The following SYNPO variants were observed in gnomAD, a reference collection of about 807,000 sequenced individuals.
SYNPO encodes the protein synaptopodin.
In SYNPO, 19 loss-of-function variants were observed where a neutral mutation model predicts 49.5. The ratio of observed to expected loss-of-function variants is 0.38; its 90% confidence interval spans 0.27 to 0.56. The LOEUF (loss-of-function observed/expected upper bound fraction) is 0.56. Among genes scored for constraint, SYNPO ranks in the 20% least tolerant of loss-of-function variants. SYNPO has a pLI of 0.68. For synonymous variants in SYNPO, 536 were observed against 548.0 expected (o/e 0.98, Z 0.31); for missense variants, 1,131 against 1,248.3 (o/e 0.91, Z 1.42).
rs140639891 is a variant in SYNPO, at chr5:150,655,605, C to G, written c.2029-799C>G. ...TGTGTGCCCTGTTCCTGTTCTCACC[C>G]CATTTCCTAACAGGTGACCATTTTG... On this transcript the variant is annotated intron_variant, in intron 2 of 2. Transcript: ENST00000307662. Among the ~76,000 whole-genome samples, 945 of 152,336 alleles carry G rather than the reference C, an allele frequency of 6.2e-3. 11 individuals are homozygous for G. Among genetic ancestry groups the G allele is most frequent in the African/African-American group, 0.022 (900 of 41,570 alleles).
At chr5:150,615,047 G>A (rs1267867071) in intron 1 of SYNPO, 1 of 152,256 alleles carries the variant, frequency 6.6e-6, no homozygotes, top group Non-Finnish European at 1.5e-5. Context: ...GTAAAGGGCT[G>A]GGTTCAGCAC....
chr5:150,635,969 T>G (rs1757702353), upstream of SYNPO, among the ~76,000 whole-genome samples: 1 of 152,248 alleles, frequency 6.6e-6, no homozygotes, highest in Non-Finnish European at 1.5e-5. Flanking sequence ...TTATCATATC[T>G]ACCTTTGCAA....
At chr5:150,597,320 GTTGTT>G (rs570975954), upstream of SYNPO, among the ~76,000 whole-genome samples, 24 of 152,234 alleles carry the variant, frequency 1.6e-4, no homozygotes, top group East Asian at 5.8e-4. Flanking sequence ...ATTTGGTTTT[GTTGTT>G]TTGTTTTGTT....
intron 1 of SYNPO, among the ~76,000 whole-genome samples, chr5:150,609,806 C>A: frequency 6.9e-6 from 1 of 143,994 alleles, no homozygotes; most frequent in African/African-American, 2.5e-5. Context: ...CAGTGTGGAG[C>A]AGTCTCAGAG....
chr5:150,644,260 G>A (rs1461560174), intron 1 of SYNPO, among the ~76,000 whole-genome samples: 1 of 152,136 alleles, frequency 6.6e-6, no homozygotes, highest in Non-Finnish European at 1.5e-5. Flanking sequence ...ACCTCCCGGG[G>A]GAGTGAGCTC....
intron 1 of SYNPO, among the ~76,000 whole-genome samples, chr5:150,643,679 C>T (rs1205130023): frequency 3.3e-5 from 5 of 152,120 alleles, no homozygotes; most frequent in Admixed American, 2.0e-4. Flanking sequence ...GGATTACAGG[C>T]GCCCGCCACC....
At chr5:150,620,899 C>CTCTTTCTTCCTT (rs1757135123) in intron 2 of SYNPO, among the ~76,000 whole-genome samples, 1 of 108,866 alleles carries the variant, frequency 9.2e-6, no homozygotes, top group South Asian at 3.7e-4. Context: ...TTCTTTTTTT[C>CTCTTTCTTCCTT]TCTTTCTTTC....
At chr5:150,646,175 CA>C (rs34260941) in intron 1 of SYNPO, among the ~76,000 whole-genome samples, 71,430 of 131,526 alleles carry the variant, frequency 0.54, 19,888 homozygotes, top group African/African-American at 0.8. Flanking sequence ...ACAAAAAATA[CA>C]AAAAAAAAAA....
In SYNPO at chr5:150,656,964, C is replaced by T. The variant is rs1158752692; in HGVS notation, c.2589C>T (p.Asp863=). The change falls in exon 3 of 3, where the codon GAC becomes GAT. Residue 863 remains aspartate, a synonymous_variant. Coordinates refer to ENST00000307662, the MANE Select transcript of SYNPO (RefSeq NM_007286.6). ...CCACGGACTCCGACGTGTCCCTCGACTCCGAGGACTCCGGGGCTAAGTCTC... is the reference window on the plus strand; with the variant it reads ...CCACGGACTCCGACGTGTCCCTCGATTCCGAGGACTCCGGGGCTAAGTCTC... ...RSPTDSDVSL[D]SEDSGAKSPG... The T allele has an allele frequency of 1.3e-6, 2 of 1,590,140 alleles. No individual in the cohort carries two copies. The highest frequency in any genetic ancestry group is 2.3e-5 in the East Asian group (1 of 43,616).
intron 2 of SYNPO, among the ~76,000 whole-genome samples, chr5:150,627,105 T>C (rs1484662735): frequency 6.6e-6 from 1 of 152,110 alleles, no homozygotes; most frequent in African/African-American, 2.4e-5. Flanking sequence ...GGGAGGCACC[T>C]TTTCCTTCAA....
chr5:150,625,562 G>T (rs1347658678), intron 2 of SYNPO, among the ~76,000 whole-genome samples: 1 of 152,204 alleles, frequency 6.6e-6, no homozygotes, highest in African/African-American at 2.4e-5. Flanking sequence ...ACTGTCCTGC[G>T]CTGCCCGCCT....
chr5:150,598,438 C>T (rs901196659), upstream of SYNPO, among the ~76,000 whole-genome samples: 31 of 152,172 alleles, frequency 2.0e-4, no homozygotes, highest in African/African-American at 6.8e-4. Context: ...CGCACTGCCA[C>T]GGACAGGCTG....
chr5:150,640,414 C>T (rs543210837), upstream of SYNPO, among the ~76,000 whole-genome samples: 108 of 152,280 alleles, frequency 7.1e-4, no homozygotes, highest in Admixed American at 1.1e-3. Context: ...TTGCTGAGGG[C>T]ACAGAGAGAA....
exon 2 of SYNPO, chr5:150,618,373 G>C: frequency 1.9e-6 from 3 of 1,549,284 alleles, no homozygotes; most frequent in Non-Finnish European, 2.6e-6. Context: ...GCACCATGCT[G>C]GGTCCTCACC....
chr5:150,594,012 G>A, the SYNPO span, among the ~76,000 whole-genome samples: 17 of 152,310 alleles, frequency 1.1e-4, no homozygotes, highest in African/African-American at 4.1e-4. Flanking sequence ...GTCAGACATG[G>A]GGCAGGGGGT....
chr5:150,613,580 G>A (rs774215431), intron 1 of SYNPO, among the ~76,000 whole-genome samples: 2 of 152,220 alleles, frequency 1.3e-5, no homozygotes, highest in Non-Finnish European at 2.9e-5. Flanking sequence ...TCTTGAGCAG[G>A]TGAGCAACAC....
In SYNPO at chr5:150,649,964, G is replaced by A. The variant is rs973332362; in HGVS notation, c.1689G>A (p.Pro563=). 13 of 1,612,632 alleles carry A rather than the reference G, an allele frequency of 8.1e-6. No homozygotes were observed. The Admixed American group carries it at 8.3e-5, about 10-fold the overall frequency. The change falls in exon 2 of 3, where the codon CCG becomes CCA. Residue 563 remains proline (P), a synonymous_variant. Coordinates refer to ENST00000307662, the MANE Select transcript of SYNPO (RefSeq NM_007286.6). The part of the protein sequence containing the change: ...GVLRPEPTKQ[P]PYQLRPSLFV... ...TGCGCCCAGAGCCCACCAAGCAGCCGCCATACCAGCTGCGCCCCTCGCTCT... is the reference window on the plus strand; with the variant it reads ...TGCGCCCAGAGCCCACCAAGCAGCCACCATACCAGCTGCGCCCCTCGCTCT...
At chr5:150,605,348 T>C (rs1348261357) in intron 1 of SYNPO, among the ~76,000 whole-genome samples, 1 of 152,182 alleles carries the variant, frequency 6.6e-6, no homozygotes, top group Non-Finnish European at 1.5e-5. Context: ...GGACTAGCAC[T>C]CTTCCTTGTC....
At chr5:150,599,698 G>T (rs985649842), upstream of SYNPO, among the ~76,000 whole-genome samples, 1 of 152,190 alleles carries the variant, frequency 6.6e-6, no homozygotes, top group Non-Finnish European at 1.5e-5. Context: ...TGTGAGCCTG[G>T]GGGTCGGCGG....
Sources: allele counts gnomAD v4.1 joint callset (sites outside exome capture counted in the v4.1 genomes callset), GRCh38; gene constraint gnomAD v4.1.1; transcripts MANE v1.5; gene names NCBI Gene and HGNC (gene_info 2026-07-23, HGNC 2026-07-21).